ZFHX3: variants seen among roughly 807,000 people sequenced by gnomAD.
ZFHX3 encodes the protein zinc finger homeobox protein 3.
ZFHX3 carries 42 observed loss-of-function variants against 279.1 expected under a neutral mutation model. That is an observed-to-expected ratio of 0.15 (90% CI 0.12 to 0.19). The LOEUF (loss-of-function observed/expected upper bound fraction) is 0.19, where lower values mean the gene tolerates loss of function less well. ZFHX3 is among the 10% of genes least tolerant of loss of function. The probability of loss-of-function intolerance (pLI) is 1.00; values close to 1 mark genes in which losing one functional copy is unlikely to be tolerated. For synonymous variants in ZFHX3, 2,293 were observed against 1,957.8 expected (o/e 1.17, Z -4.52); for missense variants, 4,981 against 4,754.0 (o/e 1.05, Z -1.40).
chr16:73,227,848 C>CAAAAAAAAAAAAAAAAA (rs398029895), intron 5 of ZFHX3, among the ~76,000 whole-genome samples: 2 of 46,064 alleles, frequency 4.3e-5, no homozygotes, highest in African/African-American at 2.1e-4. Context: ...GATTCTGTCT[C>CAAAAAAAAAAAAAAAAA]AAAAAAAAAA....
chr16:73,571,324 C>T (rs142635446), intron 2 of ZFHX3, among the ~76,000 whole-genome samples: 29 of 151,910 alleles, frequency 1.9e-4, no homozygotes, highest in African/African-American at 4.6e-4. Context: ...TAAAAATGAA[C>T]GAAAAAGCTT....
rs374063169 is a variant in ZFHX3 at position 72,923,681 on chromosome 16, G to A, written c.3216+26788C>T. On this transcript the variant is annotated intron_variant, in intron 3 of 9. Coordinates refer to ENST00000268489, the MANE Select transcript of ZFHX3 (RefSeq NM_006885.4). ...AGACCATTCCACAGCCTACAACATC[G>A]CTTCCCAGATCTCTGTCATGACCTC... Among the ~76,000 whole-genome samples the A allele has an allele frequency of 9.2e-5, 14 of 152,002 alleles. No individual in the cohort carries two copies. In the South Asian group the frequency reaches 2.7e-3, roughly 29 times the overall value.
intron 3 of ZFHX3, among the ~76,000 whole-genome samples, chr16:73,448,528 A>G (rs2018226288): frequency 1.3e-5 from 2 of 152,198 alleles, no homozygotes; most frequent in Non-Finnish European, 2.9e-5. Context: ...AAGGCTTGAG[A>G]AAGTCTTTAG....
At chr16:73,180,544 A>G (rs1190894577) in intron 5 of ZFHX3, among the ~76,000 whole-genome samples, 2 of 152,166 alleles carry the variant, frequency 1.3e-5, no homozygotes, top group Non-Finnish European at 2.9e-5. Flanking sequence ...TCAACTTTCT[A>G]TGCCAATCCA....
intron 1 of ZFHX3, among the ~76,000 whole-genome samples, chr16:73,877,953 A>G (rs897202605): frequency 6.6e-6 from 1 of 152,022 alleles, no homozygotes; most frequent in Admixed American, 6.6e-5. Flanking sequence ...TTATTTAAAA[A>G]AGATATTTAA....
intron 3 of ZFHX3, among the ~76,000 whole-genome samples, chr16:73,425,806 G>A (rs1320715087): frequency 6.6e-6 from 1 of 152,018 alleles, no homozygotes; most frequent in Non-Finnish European, 1.5e-5. Context: ...TCAGATCATT[G>A]CGAAAATCAG....
intron 3 of ZFHX3, among the ~76,000 whole-genome samples, chr16:73,439,445 G>C (rs1354056320): frequency 5.9e-5 from 9 of 151,920 alleles, no homozygotes; most frequent in African/African-American, 1.9e-4. Flanking sequence ...GAATCCTCCA[G>C]CCCAGTGTAT....
chr16:73,191,038 G>C (rs184600997), intron 5 of ZFHX3, among the ~76,000 whole-genome samples: 1 of 152,082 alleles, frequency 6.6e-6, no homozygotes, highest in Admixed American at 6.5e-5. Context: ...TGGCTGAAAA[G>C]GATCCTGCTT....
intron 1 of ZFHX3, among the ~76,000 whole-genome samples, chr16:73,777,310 C>G (rs1377244678): frequency 6.6e-6 from 1 of 151,740 alleles, no homozygotes; most frequent in East Asian, 1.9e-4. Context: ...AAGACCAGCC[C>G]AGCTAATATG....
chr16:73,399,514 C>T (rs1233765473), intron 3 of ZFHX3, among the ~76,000 whole-genome samples: 1 of 152,194 alleles, frequency 6.6e-6, no homozygotes, highest in African/African-American at 2.4e-5. Flanking sequence ...GGTATTCTCT[C>T]TACCACACCT....
At chr16:73,307,974 A>T (rs1057178106) in intron 4 of ZFHX3, among the ~76,000 whole-genome samples, 2 of 151,830 alleles carry the variant, frequency 1.3e-5, no homozygotes, top group African/African-American at 4.8e-5. Context: ...CTCACCCCCA[A>T]ATTTGCCAGC....
chr16:72,887,877 G>A (rs1326534302), intron 4 of ZFHX3, among the ~76,000 whole-genome samples: 1 of 152,008 alleles, frequency 6.6e-6, no homozygotes, highest in Non-Finnish European at 1.5e-5. Context: ...GTATGTGTGT[G>A]CGCGCACGTG....
intron 4 of ZFHX3, among the ~76,000 whole-genome samples, chr16:73,316,879 C>T (rs2015460932): frequency 6.6e-6 from 1 of 152,252 alleles, no homozygotes; most frequent in South Asian, 2.1e-4. Flanking sequence ...GTTTCTTGAG[C>T]TAAGGGGAGG....
chr16:72,960,257 G>A, intron 1 of ZFHX3, 63 bp from the exon 2 acceptor site: 1 of 1,361,270 alleles, frequency 7.3e-7, no homozygotes, highest in Non-Finnish European at 9.8e-7. Flanking sequence ...AAGGAAAGAG[G>A]TTAGGAGGGC....
At chr16:73,402,942 A>G (rs1473362649) in intron 3 of ZFHX3, among the ~76,000 whole-genome samples, 4 of 152,184 alleles carry the variant, frequency 2.6e-5, no homozygotes, top group Non-Finnish European at 5.9e-5. Context: ...CCTGTATTCC[A>G]TAAGACAGTA....
At chr16:73,075,789 A>G (rs1363364983) in intron 8 of ZFHX3, among the ~76,000 whole-genome samples, 1 of 151,976 alleles carries the variant, frequency 6.6e-6, no homozygotes, top group Non-Finnish European at 1.5e-5. Context: ...GCATGCCACT[A>G]TGCCTGGCTA....
At chr16:73,277,565 G>T (rs939593108) in intron 4 of ZFHX3, among the ~76,000 whole-genome samples, 5 of 152,176 alleles carry the variant, frequency 3.3e-5, no homozygotes, top group Non-Finnish European at 5.9e-5. Flanking sequence ...TGTCCGCTTT[G>T]TAGATGTCTC....
At chr16:73,372,847 G>A (rs1357022082) in intron 3 of ZFHX3, among the ~76,000 whole-genome samples, 8 of 152,174 alleles carry the variant, frequency 5.3e-5, no homozygotes, top group Non-Finnish European at 1.0e-4. Flanking sequence ...AAAGCTCGCA[G>A]CCATCCATTA....
intron 1 of ZFHX3, among the ~76,000 whole-genome samples, chr16:72,988,267 G>C (rs1962929471): frequency 6.6e-6 from 1 of 152,114 alleles, no homozygotes; most frequent in South Asian, 2.1e-4. Context: ...CTCAAAACCT[G>C]AAAGGCTCAT....
Sources: allele counts gnomAD v4.1 joint callset (sites outside exome capture counted in the v4.1 genomes callset), GRCh38; gene constraint gnomAD v4.1.1; transcripts MANE v1.5; gene names NCBI Gene and HGNC (gene_info 2026-07-23, HGNC 2026-07-21).